RTN1: variants seen among roughly 807,000 people sequenced by gnomAD.
The protein encoded by RTN1 is reticulon 1.
A neutral mutation model predicts 65.5 loss-of-function variants in RTN1; 25 were observed. The observed-to-expected ratio is 0.38, with a 90% confidence interval of 0.28 to 0.53. The LOEUF (loss-of-function observed/expected upper bound fraction) is 0.53, where lower values mean the gene tolerates loss of function less well. RTN1 is among the 20% of genes least tolerant of loss of function. RTN1 has a pLI of 0.79. For synonymous variants in RTN1, 471 were observed against 447.6 expected (o/e 1.05, Z -0.66); for missense variants, 983 against 1,025.4 (o/e 0.96, Z 0.57).
chr14:59,854,995 T>C (rs1188732370), intron 1 of RTN1, among the ~76,000 whole-genome samples: 1 of 152,204 alleles, frequency 6.6e-6, no homozygotes, highest in Non-Finnish European at 1.5e-5. Context: ...GTACTGTAAA[T>C]GTGGAAAACA....
chr14:59,623,175 T>G (rs1424474127), intron 3 of RTN1, among the ~76,000 whole-genome samples: 1 of 152,214 alleles, frequency 6.6e-6, no homozygotes, highest in Non-Finnish European at 1.5e-5. Context: ...CCCGAATGAC[T>G]CCTCCTCGGG....
In RTN1 at chr14:59,816,226, C is replaced by A. The variant is rs1886818746; in HGVS notation, c.241+54164G>T. On this transcript the variant is annotated intron_variant, in intron 1 of 8. Coordinates refer to ENST00000267484, the MANE Select transcript of RTN1 (RefSeq NM_021136.3). This position sits in a 1 kb window ranked among gnomAD's most constrained non-coding sequence, Gnocchi z 4.3. Reference sequence around the variant, plus strand: ...ACACACACAAGCTTGCGTGCGTGCACACACACAGACACACACACACACTAG... The same window carrying A: ...ACACACACAAGCTTGCGTGCGTGCAAACACACAGACACACACACACACTAG... Among the ~76,000 whole-genome samples the A allele has an allele frequency of 6.6e-6, 1 of 151,856 alleles. No individual in the cohort carries two copies. The highest frequency in any genetic ancestry group is 6.6e-5 in the Admixed American group (1 of 15,252).
intron 3 of RTN1, among the ~76,000 whole-genome samples, chr14:59,720,939 C>G (rs1376862796): frequency 1.3e-5 from 2 of 151,798 alleles, no homozygotes; most frequent in African/African-American, 4.8e-5. Context: ...TTCCAAGAAT[C>G]TTTATAGCCC....
In RTN1 at chr14:59,607,332, C is replaced by T. The variant is rs1341833339; in HGVS notation, c.1926G>A (p.Lys642=). 4 of 1,613,660 alleles carry T rather than the reference C, an allele frequency of 2.5e-6. No individual in the cohort carries two copies. Among genetic ancestry groups the T allele is most frequent in the African/African-American group, 1.3e-5 (1 of 74,758 alleles). Residue 642 remains lysine (K), a synonymous_variant, in exon 4 of 9, where the codon AAG becomes AAA. Coordinates refer to ENST00000267484, the MANE Select transcript of RTN1 (RefSeq NM_021136.3). ...LSATISFRIY[K]SVLQAVQKTD... is the part of the protein sequence containing the mutation. ...TTTTCTGCACTGCTTGTAAAACAGA[C>T]TTGTAGATGCGGAAACTGATGGTGG...
chr14:59,725,443 T>C (rs993247377), intron 3 of RTN1, among the ~76,000 whole-genome samples: 1 of 152,220 alleles, frequency 6.6e-6, no homozygotes, highest in Non-Finnish European at 1.5e-5. Flanking sequence ...AGGTTGTTCA[T>C]GTTAATACTT....
chr14:59,650,015 G>A (rs1428947376), intron 3 of RTN1, among the ~76,000 whole-genome samples: 2 of 152,192 alleles, frequency 1.3e-5, no homozygotes, highest in African/African-American at 4.8e-5. Context: ...GCCTGGCAAT[G>A]ATAGGCTGGA....
At chr14:59,861,427 C>A (rs780198363) in intron 1 of RTN1, among the ~76,000 whole-genome samples, 1 of 152,124 alleles carries the variant, frequency 6.6e-6, no homozygotes, top group Non-Finnish European at 1.5e-5. Context: ...TTGTAAATTG[C>A]CCAGTCTCGG....
intron 1 of RTN1, among the ~76,000 whole-genome samples, chr14:59,863,202 T>C (rs565108025): frequency 3.9e-4 from 56 of 144,340 alleles, no homozygotes; most frequent in African/African-American, 1.4e-3. Flanking sequence ...ATATTCTCCA[T>C]AGCAAAAAAA....
At chr14:59,700,582 A>G (rs2139447326) in intron 3 of RTN1, among the ~76,000 whole-genome samples, 1 of 152,292 alleles carries the variant, frequency 6.6e-6, no homozygotes, top group South Asian at 2.1e-4. Flanking sequence ...TTTACGGTCA[A>G]TTTATTTTTG....
At chr14:59,773,815 T>C (rs1190732755) in intron 1 of RTN1, among the ~76,000 whole-genome samples, 1 of 152,068 alleles carries the variant, frequency 6.6e-6, no homozygotes, top group Admixed American at 6.6e-5. Flanking sequence ...TCATTAATTA[T>C]CCTAAACAAG....
intron 7 of RTN1, 29 bp downstream of exon 7, chr14:59,603,183 G>A (rs772060840): frequency 3.1e-6 from 5 of 1,611,444 alleles, no homozygotes; most frequent in Admixed American, 1.7e-5. Flanking sequence ...AAAATTCAAT[G>A]CCATTTTTTG....
chr14:59,629,727 C>A (rs1258183030), intron 3 of RTN1, among the ~76,000 whole-genome samples: 1 of 152,162 alleles, frequency 6.6e-6, no homozygotes, highest in African/African-American at 2.4e-5. Context: ...GGTAGCCACA[C>A]CCAGTGCTAA....
At chr14:59,862,220 C>A (rs531578931) in intron 1 of RTN1, among the ~76,000 whole-genome samples, 1 of 152,276 alleles carries the variant, frequency 6.6e-6, no homozygotes, top group Non-Finnish European at 1.5e-5. Flanking sequence ...TCTTCCTTCC[C>A]CCTAAAAGCC....
At chr14:59,860,347 T>G (rs1242539409) in intron 1 of RTN1, among the ~76,000 whole-genome samples, 1 of 152,334 alleles carries the variant, frequency 6.6e-6, no homozygotes, top group South Asian at 2.1e-4. Flanking sequence ...GCCTTCAAGT[T>G]CACAGAAATC....
At chr14:59,748,610 T>G (rs933438334) in intron 1 of RTN1, among the ~76,000 whole-genome samples, 5 of 152,190 alleles carry the variant, frequency 3.3e-5, no homozygotes, top group Admixed American at 6.5e-5. Flanking sequence ...AAATACTGTA[T>G]AGTTAACATA....
chr14:59,633,205 C>T (rs1243211230), intron 3 of RTN1, among the ~76,000 whole-genome samples: 1 of 152,186 alleles, frequency 6.6e-6, no homozygotes, highest in Admixed American at 6.5e-5. Context: ...TCCACTCTAA[C>T]AGTTTGATAG....
In RTN1 at chr14:59,766,044, A is replaced by G. The variant is rs1460559948; in HGVS notation, c.242-19563T>C. Among the ~76,000 whole-genome samples the G allele has an allele frequency of 6.6e-6, 1 of 152,214 alleles. No individual in the cohort carries two copies. The highest frequency in any genetic ancestry group is 2.4e-5 in the African/African-American group (1 of 41,448). Reference sequence around the variant, plus strand: ...CAGGGGTTCAAGATCAGCCTGGCCAATATGGTGAAACCCAGTCTCTACTAA... The same window carrying G: ...CAGGGGTTCAAGATCAGCCTGGCCAGTATGGTGAAACCCAGTCTCTACTAA... On this transcript the variant is annotated intron_variant, in intron 1 of 8. Coordinates refer to ENST00000267484, the MANE Select transcript of RTN1 (RefSeq NM_021136.3). This position sits in a 1 kb window ranked among gnomAD's most constrained non-coding sequence, Gnocchi z 4.4.
chr14:59,795,531 T>C (rs956779742), intron 1 of RTN1, among the ~76,000 whole-genome samples: 4 of 152,160 alleles, frequency 2.6e-5, no homozygotes, highest in Admixed American at 6.5e-5. Context: ...TGAGATCCCA[T>C]CTCTATTTAT....
intron 1 of RTN1, among the ~76,000 whole-genome samples, chr14:59,861,685 A>G (rs995607497): frequency 7.9e-5 from 12 of 152,224 alleles, no homozygotes; most frequent in Admixed American, 7.2e-4. Context: ...TTCAGAAGAA[A>G]TCTACTTCTC....
Sources: allele counts gnomAD v4.1 joint callset (sites outside exome capture counted in the v4.1 genomes callset), GRCh38; gene constraint gnomAD v4.1.1; non-coding constraint Gnocchi (gnomAD v3.1); transcripts MANE v1.5; gene names NCBI Gene and HGNC (gene_info 2026-07-23, HGNC 2026-07-21).